SNX9: variants seen among roughly 807,000 people sequenced by gnomAD.
The protein encoded by SNX9 is sorting nexin 9.
A neutral mutation model predicts 89.4 loss-of-function variants in SNX9; 44 were observed. The ratio of observed to expected loss-of-function variants is 0.49; its 90% CI spans 0.39 to 0.63. The LOEUF is 0.63. Among genes scored for constraint, SNX9 ranks in the 30% least tolerant of loss-of-function variants. The probability of loss-of-function intolerance (pLI) is 0.00; values close to 1 mark genes in which losing one functional copy is unlikely to be tolerated. For synonymous variants in SNX9, 236 were observed against 247.8 expected (o/e 0.95, Z 0.45); for missense variants, 578 against 736.1 (o/e 0.79, Z 2.49).
At chr6:157,850,864 A>C (rs1781896866) in intron 1 of SNX9, among the ~76,000 whole-genome samples, 1 of 152,232 alleles carries the variant, frequency 6.6e-6, no homozygotes, top group Non-Finnish European at 1.5e-5. Flanking sequence ...TGTCAGCTGA[A>C]TAAGGCTAAC....
intron 3 of SNX9, among the ~76,000 whole-genome samples, 154 bp downstream of exon 3, chr6:157,873,330 T>C (rs1286360778): frequency 6.6e-6 from 1 of 151,044 alleles, no homozygotes; most frequent in Non-Finnish European, 1.5e-5. Flanking sequence ...GGAAACTACA[T>C]TGAAATAGAA....
intron 3 of SNX9, 37 bp downstream of exon 3, chr6:157,873,213 C>T (rs749147814): frequency 6.1e-6 from 9 of 1,465,520 alleles, no homozygotes; most frequent in Non-Finnish European, 8.2e-6. Flanking sequence ...TAGAGCTCAT[C>T]TTTGCCAGGC....
chr6:157,883,123 A>AC (rs1001656610), intron 4 of SNX9, among the ~76,000 whole-genome samples: 98 of 149,394 alleles, frequency 6.6e-4, no homozygotes, highest in Admixed American at 2.1e-3. Context: ...TCAAAACAAG[A>AC]CCCCCCCGCC....
chr6:157,941,304 G>C (rs1352022608), intron 17 of SNX9, among the ~76,000 whole-genome samples: 1 of 152,040 alleles, frequency 6.6e-6, no homozygotes. Context: ...AATGAGATGA[G>C]GTCACCCAGC....
At chr6:157,836,108 TTTTG>T (rs536474855) in intron 1 of SNX9, among the ~76,000 whole-genome samples, 129 of 151,942 alleles carry the variant, frequency 8.5e-4, no homozygotes, top group Middle Eastern at 3.4e-3. Context: ...ATATTTAATT[TTTTG>T]TTTGTTTGTT....
Position 157,937,508 on chromosome 6 carries a change from C to A in SNX9, c.1518C>A (p.Ile506=). 1 of 1,613,388 alleles carries A rather than the reference C, an allele frequency of 6.2e-7. No individual in the cohort carries two copies. The part of the protein sequence containing the change: ...YKGFLGCFPD[I]IGTHKGAIEK... ...GTTTTCTTGGCTGCTTCCCTGACAT[C>A]ATTGGCACTCACAAGGTAACCTGAT... The change falls in exon 15 of 18, where the codon ATC becomes ATA. Residue 506 remains isoleucine, a synonymous_variant. Transcript: ENST00000392185.
At chr6:157,860,645 G>A (rs1782102760) in intron 1 of SNX9, among the ~76,000 whole-genome samples, 1 of 152,142 alleles carries the variant, frequency 6.6e-6, no homozygotes, top group African/African-American at 2.4e-5. Flanking sequence ...GGGTGAGTGT[G>A]GGTAGAATGA....
chr6:157,846,332 T>C (rs1442355349), intron 1 of SNX9, among the ~76,000 whole-genome samples: 1 of 152,270 alleles, frequency 6.6e-6, no homozygotes, highest in East Asian at 1.9e-4. Context: ...AAAAGCCAGC[T>C]GTAGTTCTGT....
Position 157,823,326 on chromosome 6 carries a change from C to G in SNX9, c.-109C>G. On this transcript the variant is annotated 5_prime_UTR_variant, in exon 1 of 18. Transcript: ENST00000392185. The surrounding 1 kb of genome is among the most constrained non-coding windows in gnomAD (Gnocchi z 4.6). ...CGGAGGAGCGGCCGCCGCGCCGGGGCCCAGCCGGAGCCGCCGCCCTCGCCC... is the reference window on the plus strand; with the variant it reads ...CGGAGGAGCGGCCGCCGCGCCGGGGGCCAGCCGGAGCCGCCGCCCTCGCCC... 9.8e-7 allele frequency: 1 copy of G among 1,016,382 alleles called. No individual in the cohort carries two copies. The highest frequency in any genetic ancestry group is 1.2e-6 in the Non-Finnish European group (1 of 810,452). The allele number at this position is 1,016,382 out of a possible 1,614,324, so 63.0% of individuals were successfully genotyped here. A position where few individuals can be genotyped will look rare whatever the true frequency, so the allele number is the denominator to read the frequency against.
intron 6 of SNX9, among the ~76,000 whole-genome samples, chr6:157,904,227 A>T (rs1246700703): frequency 6.6e-6 from 1 of 152,112 alleles, no homozygotes; most frequent in Non-Finnish European, 1.5e-5. Context: ...CGAGGTCAGG[A>T]ATTCGAGACC....
intron 6 of SNX9, among the ~76,000 whole-genome samples, chr6:157,904,357 C>T (rs1181599776): frequency 6.6e-6 from 1 of 152,044 alleles, no homozygotes; most frequent in African/African-American, 2.4e-5. Context: ...TCGCTTGAAC[C>T]CGGGAGACGG....
intron 4 of SNX9, among the ~76,000 whole-genome samples, chr6:157,890,218 T>TACACTCACC (rs1782828490): frequency 6.6e-6 from 1 of 152,214 alleles, no homozygotes; most frequent in African/African-American, 2.4e-5. Flanking sequence ...GCAGCTTTCC[T>TACACTCACC]ACACTCACCA....
At chr6:157,941,652 T>C (rs1784038019) in intron 17 of SNX9, among the ~76,000 whole-genome samples, 1 of 152,164 alleles carries the variant, frequency 6.6e-6, no homozygotes, top group East Asian at 1.9e-4. Flanking sequence ...CCTCTGGCCA[T>C]GGGATCTAAG....
intron 2 of SNX9, among the ~76,000 whole-genome samples, chr6:157,870,132 CAT>C (rs1323403205): frequency 1.3e-4 from 19 of 151,200 alleles, no homozygotes; most frequent in Non-Finnish European, 2.2e-4. Flanking sequence ...TGCACTCACA[CAT>C]GTGAGCACAC....
Position 157,932,377 on chromosome 6 carries a change from G to A in SNX9, c.1366+105G>A, listed in dbSNP as rs1156572843. The stretch of plus-strand genomic sequence containing the variant: ...AACTCCCTCCTCAGTGAAGCACCCT[G>A]GTTGTGGGTGTGTAAATTGGCTAGG... On this transcript the variant is annotated intron_variant, in intron 13 of 17. Coordinates refer to ENST00000392185, the MANE Select transcript of SNX9 (RefSeq NM_016224.5). 5.1e-6 allele frequency: 5 copies of A among 984,984 alleles called. No individual in the cohort carries two copies. The Admixed American group carries it at 1.0e-4, about 20-fold the overall frequency. 61.0% of individuals were successfully genotyped at this position (984,984 alleles called of 1,614,324 possible).
chr6:157,873,258 G>T, intron 3 of SNX9, 82 bp downstream of exon 3: 1 of 1,074,934 alleles, frequency 9.3e-7, no homozygotes, highest in South Asian at 2.4e-5. Flanking sequence ...CAAGAAGTCA[G>T]CAACTTTTTG....
rs1029318691 is a variant in SNX9 at position 157,902,085 on chromosome 6, G to C, written c.620+40G>C. The stretch of plus-strand genomic sequence containing the variant: ...GAGCCAGGGAACCAGGGCCGTGGTA[G>C]AAGTATACATTAATACAAAGTATAT... On this transcript the variant is annotated intron_variant, in intron 6 of 17. Coordinates refer to ENST00000392185, the MANE Select transcript of SNX9 (RefSeq NM_016224.5). The C allele has an allele frequency of 4.4e-5, 71 of 1,600,186 alleles. No individual in the cohort carries two copies. The East Asian group carries it at 1.6e-3, about 36-fold the overall frequency.
chr6:157,909,549 A>G, intron 7 of SNX9, 116 bp from the exon 8 acceptor site: 6 of 1,212,270 alleles, frequency 4.9e-6, no homozygotes, highest in Non-Finnish European at 5.9e-6. Flanking sequence ...AAGAGGAACA[A>G]GAATGACCCT....
intron 5 of SNX9, 126 bp downstream of exon 5, chr6:157,897,124 T>C: frequency 1.1e-6 from 1 of 932,976 alleles, no homozygotes; most frequent in South Asian, 2.1e-5. Context: ...GACCACAGCA[T>C]GGGAAGGGAG....
Sources: gnomAD v4.1 joint callset for allele counts (sites outside exome capture counted in the v4.1 genomes callset) on GRCh38, gnomAD v4.1.1 for gene constraint, Gnocchi (gnomAD v3.1) non-coding constraint, MANE v1.5 for transcripts, NCBI Gene and HGNC (gene_info 2026-07-23, HGNC 2026-07-21) for gene names.